Variants in EPHA6 observed in about 807,000 individuals in gnomAD.
EPHA6 encodes EPH receptor A6.
EPHA6 carries 50 observed loss-of-function variants against 112.0 expected under a neutral mutation model. The ratio of observed to expected loss-of-function variants is 0.45; its 90% CI spans 0.36 to 0.56. The LOEUF (loss-of-function observed/expected upper bound fraction) is 0.56. Ranked by LOEUF, EPHA6 falls within the 20% of genes least tolerant of loss-of-function variation. EPHA6 has a pLI of 0.00. For missense variants in EPHA6, 1,280 were observed against 1,417.4 expected (o/e 0.90, Z 1.56); for synonymous variants, 529 against 490.7 (o/e 1.08, Z -1.03).
intron 5 of EPHA6, among the ~76,000 whole-genome samples, chr3:97,306,362 C>G (rs1055370819): frequency 6.7e-6 from 1 of 148,542 alleles, no homozygotes; most frequent in Non-Finnish European, 1.5e-5. Flanking sequence ...CTCCACTTGA[C>G]GGTTTTCTCT....
At chr3:97,327,777 G>T (rs529980224) in intron 5 of EPHA6, among the ~76,000 whole-genome samples, 1 of 150,442 alleles carries the variant, frequency 6.6e-6, no homozygotes, top group Non-Finnish European at 1.5e-5. Context: ...GAGGTTCATC[G>T]AAGTTGTAGC....
intron 5 of EPHA6, among the ~76,000 whole-genome samples, chr3:97,330,522 G>C (rs975883971): frequency 6.6e-6 from 1 of 151,866 alleles, no homozygotes; most frequent in Admixed American, 6.6e-5. Flanking sequence ...TCTCTTTGAC[G>C]AGGTCCTTCA....
chr3:96,905,676 A>G (rs2038894528), intron 2 of EPHA6, among the ~76,000 whole-genome samples: 1 of 151,924 alleles, frequency 6.6e-6, no homozygotes, highest in African/African-American at 2.4e-5. Flanking sequence ...AGAAGACTGA[A>G]ACTTGTGGAG....
intron 3 of EPHA6, among the ~76,000 whole-genome samples, chr3:97,134,489 A>G (rs2075719167): frequency 6.6e-6 from 1 of 152,134 alleles, no homozygotes; most frequent in Non-Finnish European, 1.5e-5. Context: ...AGAACAATTG[A>G]GAGAAATCAA....
chr3:96,877,479 A>G (rs571150060), intron 2 of EPHA6, among the ~76,000 whole-genome samples: 82 of 152,190 alleles, frequency 5.4e-4, no homozygotes, highest in South Asian at 3.3e-3. Flanking sequence ...GATCTGAATC[A>G]CATCTGGGAA....
At chr3:97,483,599 C>T (rs904785889) in intron 9 of EPHA6, among the ~76,000 whole-genome samples, 2 of 152,146 alleles carry the variant, frequency 1.3e-5, no homozygotes, top group Non-Finnish European at 2.9e-5. Flanking sequence ...CTCATTTTCC[C>T]CATTCCCCAA....
intron 14 of EPHA6, among the ~76,000 whole-genome samples, chr3:97,643,449 T>C: frequency 6.6e-6 from 1 of 151,590 alleles, no homozygotes; most frequent in African/African-American, 2.4e-5. Context: ...CAATATTAAC[T>C]TTAAATGTAA....
chr3:97,464,499 G>C (rs1205593614), intron 7 of EPHA6, among the ~76,000 whole-genome samples: 1 of 152,022 alleles, frequency 6.6e-6, no homozygotes, highest in Non-Finnish European at 1.5e-5. Context: ...CAGTATTTTT[G>C]CAAAAGTAAA....
At chr3:97,684,876 A>G (rs1018239431) in intron 14 of EPHA6, among the ~76,000 whole-genome samples, 18 of 152,340 alleles carry the variant, frequency 1.2e-4, no homozygotes, top group African/African-American at 3.8e-4. Flanking sequence ...CTCTCCTGTG[A>G]AAAATATTTT....
chr3:97,619,511 C>T lies in EPHA6; in HGVS notation c.2574+8657C>T, dbSNP rs527386129. 2.0e-5 allele frequency among the ~76,000 whole-genome samples: 3 copies of T among 148,680 alleles called. No individual in the cohort carries two copies. The South Asian group carries it at 6.4e-4, about 32-fold the overall frequency. ...TGTAGATTACATGATCCTATATCTACAAAAGCCCATTGTCTCAGCCCAAAA... is the reference window on the plus strand; with the variant it reads ...TGTAGATTACATGATCCTATATCTATAAAAGCCCATTGTCTCAGCCCAAAA... On this transcript the variant is annotated intron_variant, in intron 13 of 17. Transcript: ENST00000389672.
intron 5 of EPHA6, among the ~76,000 whole-genome samples, chr3:97,247,194 G>A (rs939618528): frequency 3.3e-5 from 5 of 151,982 alleles, no homozygotes; most frequent in African/African-American, 7.2e-5. Context: ...ACTGGACTGA[G>A]AGGACAAGAG....
At chr3:97,168,071 A>G (rs1476195771) in intron 3 of EPHA6, among the ~76,000 whole-genome samples, 4 of 152,162 alleles carry the variant, frequency 2.6e-5, no homozygotes, top group Non-Finnish European at 5.9e-5. Flanking sequence ...TAAGAAAGTA[A>G]AGATTATTAA....
At chr3:97,041,348 A>G (rs2045307499) in intron 3 of EPHA6, among the ~76,000 whole-genome samples, 1 of 151,978 alleles carries the variant, frequency 6.6e-6, no homozygotes, top group Non-Finnish European at 1.5e-5. Context: ...TAAAGCCTGG[A>G]GTGTATAGAT....
chr3:97,676,430 T>C (rs954140823), intron 14 of EPHA6, among the ~76,000 whole-genome samples: 1 of 152,148 alleles, frequency 6.6e-6, no homozygotes, highest in Non-Finnish European at 1.5e-5. Flanking sequence ...AAGGCATAGA[T>C]TTGGTGAAGT....
intron 14 of EPHA6, among the ~76,000 whole-genome samples, chr3:97,716,437 G>T (rs911679679): frequency 2.8e-5 from 4 of 140,926 alleles, no homozygotes; most frequent in Admixed American, 6.8e-5. Context: ...GCGCGGTGGC[G>T]GGCGCCTGTA....
chr3:96,822,675 A>G (rs1470029614), intron 1 of EPHA6, among the ~76,000 whole-genome samples: 1 of 150,872 alleles, frequency 6.6e-6, no homozygotes, highest in Admixed American at 6.6e-5. Context: ...AAAAAGTAAG[A>G]TACTTTATAT....
intron 5 of EPHA6, among the ~76,000 whole-genome samples, chr3:97,289,199 T>G (rs1161182765): frequency 6.6e-6 from 1 of 152,130 alleles, no homozygotes; most frequent in Non-Finnish European, 1.5e-5. Flanking sequence ...TCTTCTAGGA[T>G]TCTTCTAGTT....
At chr3:97,629,656 C>T (rs2093887305) in intron 13 of EPHA6, among the ~76,000 whole-genome samples, 1 of 151,912 alleles carries the variant, frequency 6.6e-6, no homozygotes, top group African/African-American at 2.4e-5. Context: ...CCTCTATGGT[C>T]ACTCCTATCC....
At chr3:97,608,571 T>A (rs571365914) in intron 12 of EPHA6, among the ~76,000 whole-genome samples, 1 of 151,324 alleles carries the variant, frequency 6.6e-6, no homozygotes, top group South Asian at 2.1e-4. Flanking sequence ...GAAATGCAAC[T>A]ATGAGAAATA....
Sources: allele counts gnomAD v4.1 joint callset (sites outside exome capture counted in the v4.1 genomes callset), GRCh38; gene constraint gnomAD v4.1.1; transcripts MANE v1.5; gene names NCBI Gene and HGNC (gene_info 2026-07-23, HGNC 2026-07-21).